PLCXD3: variants seen among roughly 807,000 people sequenced by gnomAD.
PLCXD3 encodes PI-PLC X domain-containing protein 3.
Under a neutral mutation model 25.5 loss-of-function variants are expected in PLCXD3, and 19 were observed. The observed-to-expected ratio is 0.75, with a 90% CI of 0.52 to 1.09. The LOEUF (loss-of-function observed/expected upper bound fraction) is 1.09, where lower values mean the gene tolerates loss of function less well. PLCXD3 is among the 50% of genes least tolerant of loss of function. The pLI, the probability that PLCXD3 is intolerant of heterozygous loss-of-function variation, is 0.00. For missense variants in PLCXD3, 411 were observed against 388.1 expected, an observed-to-expected ratio of 1.06 and a Z score of -0.50; for synonymous variants, 174 against 137.6, an observed-to-expected ratio of 1.26 and a Z score of -1.85.
chr5:41,313,849 T>G, intron 2 of PLCXD3, 79 bp from the exon 3 acceptor site: 2 of 1,434,686 alleles, frequency 1.4e-6, no homozygotes, highest in Non-Finnish European at 1.9e-6. Flanking sequence ...GTCTTCCCTT[T>G]AGTTTCTAGC....
intron 1 of PLCXD3, among the ~76,000 whole-genome samples, chr5:41,382,804 A>T (rs319014): frequency 0.57 from 86,514 of 151,878 alleles, 25,180 homozygotes; most frequent in South Asian, 0.71. Flanking sequence ...CTATTCTGTG[A>T]ACCAAGAATG....
chr5:41,339,790 T>C (rs1262365767), intron 2 of PLCXD3, among the ~76,000 whole-genome samples: 1 of 152,174 alleles, frequency 6.6e-6, no homozygotes, highest in Non-Finnish European at 1.5e-5. Flanking sequence ...TTCCTTCATA[T>C]TAATCTATAA....
At chr5:41,334,763 A>G (rs1343770207) in intron 2 of PLCXD3, among the ~76,000 whole-genome samples, 1 of 152,102 alleles carries the variant, frequency 6.6e-6, no homozygotes, top group Non-Finnish European at 1.5e-5. Flanking sequence ...ACAAGAAAAA[A>G]TGGTGTTTAA....
chr5:41,402,228 G>A (rs2150500040), intron 1 of PLCXD3, among the ~76,000 whole-genome samples: 1 of 151,394 alleles, frequency 6.6e-6, no homozygotes, highest in South Asian at 2.1e-4. Context: ...TTTAATGATA[G>A]CTTTTTCTCT....
At chr5:41,380,238 C>T (rs1379616542) in intron 2 of PLCXD3, among the ~76,000 whole-genome samples, 1 of 152,090 alleles carries the variant, frequency 6.6e-6, no homozygotes, top group African/African-American at 2.4e-5. Flanking sequence ...TGAATGCTTC[C>T]ATTACCTGTC....
intron 1 of PLCXD3, among the ~76,000 whole-genome samples, chr5:41,468,009 C>CTTTTTT (rs145732089): frequency 4.8e-4 from 25 of 52,424 alleles, no homozygotes; most frequent in East Asian, 1.6e-3. Context: ...CAGCTTTATT[C>CTTTTTT]TTTTTTTTTT....
intron 2 of PLCXD3, among the ~76,000 whole-genome samples, chr5:41,358,161 T>C (rs189255658): frequency 3.3e-3 from 495 of 152,204 alleles, no homozygotes; most frequent in South Asian, 0.011. Flanking sequence ...TTGAGATAGG[T>C]TGAATTTTAT....
chr5:41,408,865 G>A (rs1026684414), intron 1 of PLCXD3, among the ~76,000 whole-genome samples: 1 of 152,216 alleles, frequency 6.6e-6, no homozygotes, highest in African/African-American at 2.4e-5. Context: ...GATGAATCAA[G>A]GATGACTAAA....
intron 2 of PLCXD3, among the ~76,000 whole-genome samples, chr5:41,353,246 C>T (rs1744523415): frequency 6.6e-6 from 1 of 151,654 alleles, no homozygotes. Flanking sequence ...GCGCCCGCCA[C>T]CATGCTCGGC....
intron 1 of PLCXD3, among the ~76,000 whole-genome samples, chr5:41,491,045 C>T (rs1330390159): frequency 6.6e-6 from 1 of 152,152 alleles, no homozygotes; most frequent in Non-Finnish European, 1.5e-5. Context: ...AATTTTGGAT[C>T]TTTCCTGCTT....
At chr5:41,476,289 C>G (rs1014908993) in intron 1 of PLCXD3, among the ~76,000 whole-genome samples, 22 of 152,182 alleles carry the variant, frequency 1.4e-4, no homozygotes, top group Non-Finnish European at 4.4e-5. Flanking sequence ...ACAAGGTTTA[C>G]CTTTGGCTGG....
chr5:41,412,695 T>C (rs998046928), intron 1 of PLCXD3, among the ~76,000 whole-genome samples: 2 of 152,230 alleles, frequency 1.3e-5, no homozygotes, highest in African/African-American at 4.8e-5. Flanking sequence ...TATTACATTA[T>C]CTTTTATTGT....
At chr5:41,370,490 G>A (rs1294479388) in intron 2 of PLCXD3, among the ~76,000 whole-genome samples, 1 of 152,164 alleles carries the variant, frequency 6.6e-6, no homozygotes, top group Non-Finnish European at 1.5e-5. Flanking sequence ...ATTGCCTAGA[G>A]TGATGTTAGT....
At chr5:41,450,900 T>C (rs1214523418) in intron 1 of PLCXD3, among the ~76,000 whole-genome samples, 2 of 151,972 alleles carry the variant, frequency 1.3e-5, no homozygotes, top group Non-Finnish European at 2.9e-5. Context: ...ATGGGAATAA[T>C]GGAAGCAGAA....
intron 1 of PLCXD3, among the ~76,000 whole-genome samples, chr5:41,487,822 G>A (rs780484763): frequency 6.6e-6 from 1 of 152,108 alleles, no homozygotes; most frequent in South Asian, 2.1e-4. Context: ...AGTGAGAAAG[G>A]AAAAGGTGAA....
At chr5:41,375,469 A>G (rs548314543) in intron 2 of PLCXD3, among the ~76,000 whole-genome samples, 7 of 152,154 alleles carry the variant, frequency 4.6e-5, no homozygotes, top group Admixed American at 6.5e-5. Flanking sequence ...AGTCAGCTCT[A>G]TGTCCTTGGG....
At chr5:41,399,389 C>T (rs1308348772) in intron 1 of PLCXD3, among the ~76,000 whole-genome samples, 1 of 152,120 alleles carries the variant, frequency 6.6e-6, no homozygotes, top group Non-Finnish European at 1.5e-5. Context: ...ATAGCCAAAG[C>T]AATCTCAAGC....
chr5:41,509,456 G>C (rs1738983717), intron 1 of PLCXD3, among the ~76,000 whole-genome samples: 1 of 152,150 alleles, frequency 6.6e-6, no homozygotes, highest in Non-Finnish European at 1.5e-5. Context: ...ACCTGATCTA[G>C]GGGGTTGTTA....
chr5:41,446,176 CA>C lies in PLCXD3; in HGVS notation c.104-63643del, dbSNP rs70988847. Among the ~76,000 whole-genome samples, 341 of 38,090 alleles carry C rather than the reference CA, an allele frequency of 9.0e-3. 1 individual carries two copies. Among genetic ancestry groups the C allele is most frequent in the African/African-American group, 0.021 (261 of 12,716 alleles). The allele number at this position is 38,090 out of a possible 152,430, so 25.0% of individuals were successfully genotyped here. A position where few individuals can be genotyped will look rare whatever the true frequency, so the allele number is the denominator to read the frequency against. Reference sequence around the variant, plus strand: ...TGGGCGACGGAGCCAGACTCCTTCTCAAAAAAAAAAAAAAAAAAAAAAAAAG... The same window carrying C: ...TGGGCGACGGAGCCAGACTCCTTCTCAAAAAAAAAAAAAAAAAAAAAAAAG... On this transcript the variant is annotated intron_variant, in intron 1 of 2. Coordinates refer to ENST00000377801, the MANE Select transcript of PLCXD3 (RefSeq NM_001005473.3).
Sources: allele counts gnomAD v4.1 joint callset (sites outside exome capture counted in the v4.1 genomes callset), GRCh38; gene constraint gnomAD v4.1.1; transcripts MANE v1.5; gene names NCBI Gene and HGNC (gene_info 2026-07-23, HGNC 2026-07-21).